GPR84: variants seen among roughly 807,000 people sequenced by gnomAD.
The protein encoded by GPR84 is G protein-coupled receptor 84.
A neutral mutation model predicts 14.9 loss-of-function variants in GPR84; 8 were observed. That is an observed-to-expected ratio of 0.54 (90% CI 0.31 to 0.97). The LOEUF (loss-of-function observed/expected upper bound fraction) is 0.97, where lower values mean the gene tolerates loss of function less well. Among genes scored for constraint, GPR84 ranks in the 50% least tolerant of loss-of-function variants. GPR84 has a pLI of 0.04. For missense variants in GPR84, 424 were observed against 498.7 expected (o/e 0.85, Z 1.43); for synonymous variants, 164 against 198.1 (o/e 0.83, Z 1.45).
rs1469740164 is a variant in GPR84 at position 54,363,093 on chromosome 12, C to T, written c.759G>A (p.Gly253=). 1.2e-6 allele frequency: 2 copies of T among 1,614,180 alleles called. No homozygotes were observed. Among genetic ancestry groups the T allele is most frequent in the East Asian group, 2.2e-5 (1 of 44,888 alleles). ...CAGCACTGACTGGCTCAGATGAAAT[C>T]CCCTCACTGGGTCCTCCTGATGCTA... is the stretch of plus-strand genomic sequence containing the variant. The part of the protein sequence containing the change: ...SRLASGGPSE[G]ISSEPVSAAT... The change falls in exon 2 of 2, where the codon GGG becomes GGA. Residue 253 remains glycine (G), a synonymous_variant. Transcript: ENST00000267015.
chr12:54,360,367 C>T (rs927982942), downstream of GPR84, among the ~76,000 whole-genome samples: 11 of 152,074 alleles, frequency 7.2e-5, no homozygotes, highest in African/African-American at 2.4e-4. Flanking sequence ...GAGTGTACCC[C>T]GCACCCCGCT....
intron 1 of GPR84, 50 bp from the exon 2 acceptor site, chr12:54,363,909 C>T: frequency 8.1e-7 from 1 of 1,238,846 alleles, no homozygotes; most frequent in East Asian, 2.4e-5. Context: ...ACCTAGCATT[C>T]AACTTAGATC....
downstream of GPR84, among the ~76,000 whole-genome samples, chr12:54,358,281 G>C (rs898055074): frequency 4.6e-5 from 7 of 152,110 alleles, no homozygotes; most frequent in Non-Finnish European, 1.0e-4. Flanking sequence ...ATCTCCTGGG[G>C]GAGGCGCCTG....
chr12:54,358,137 A>T (rs1954228412), downstream of GPR84, among the ~76,000 whole-genome samples: 1 of 151,750 alleles, frequency 6.6e-6, no homozygotes, highest in South Asian at 2.1e-4. Flanking sequence ...TCTAAATCTC[A>T]CTCTCAAAGA....
rs535058238 is a variant in GPR84 at position 54,362,847 on chromosome 12, G to A, written c.1005C>T (p.Phe335=). 1 of 1,614,230 alleles carries A rather than the reference G, an allele frequency of 6.2e-7. No homozygotes were observed. The highest frequency in any genetic ancestry group is 8.5e-7 in the Non-Finnish European group (1 of 1,180,042). Reference sequence around the variant, plus strand: ...TGGCATCCAGAATGTTGAGCAGCAAGAAGGGGATGTAGCTCAGGGCAAAGC... The same window carrying A: ...TGGCATCCAGAATGTTGAGCAGCAAAAAGGGGATGTAGCTCAGGGCAAAGC... The part of the protein sequence containing the change: ...FLCFALSYIP[F]LLLNILDARV... The change falls in exon 2 of 2, where the codon TTC becomes TTT. Residue 335 remains phenylalanine, a synonymous_variant. Transcript: ENST00000267015. The surrounding 1 kb of genome is among the most constrained non-coding windows in gnomAD (Gnocchi z 4.0).
the GPR84 span, chr12:54,351,445 T>C: frequency 9.8e-5 from 15 of 152,368 alleles, no homozygotes; most frequent in African/African-American, 3.4e-4. Context: ...CTCTCTGCCG[T>C]GGGTCTGCAG....
downstream of GPR84, among the ~76,000 whole-genome samples, chr12:54,360,078 G>A (rs1565602337): frequency 6.6e-6 from 1 of 152,066 alleles, no homozygotes; most frequent in Admixed American, 6.5e-5. Flanking sequence ...ACTCTTCAGA[G>A]TTGTCAACTT....
At chr12:54,361,219 C>T (rs147186803), downstream of GPR84, among the ~76,000 whole-genome samples, 341 of 151,934 alleles carry the variant, frequency 2.2e-3, 1 homozygote, top group African/African-American at 7.6e-3. The surrounding 1 kb of genome is among the most constrained non-coding windows in gnomAD (Gnocchi z 4.3). Context: ...TCTCGCTCAG[C>T]CACCCAGGCC....
At chr12:54,355,459 C>T in the GPR84 span, among the ~76,000 whole-genome samples, 11 of 152,076 alleles carry the variant, frequency 7.2e-5, no homozygotes, top group Non-Finnish European at 1.3e-4. Flanking sequence ...CCCATACTAG[C>T]CCCCCATCTC....
At chr12:54,358,919 G>A (rs1183918177), downstream of GPR84, among the ~76,000 whole-genome samples, 2 of 151,796 alleles carry the variant, frequency 1.3e-5, no homozygotes, top group Non-Finnish European at 2.9e-5. Flanking sequence ...TCTCCCTGTC[G>A]GCCCCCATCC....
downstream of GPR84, among the ~76,000 whole-genome samples, chr12:54,358,873 G>GCTCGGAATCCTCT (rs1267778309): frequency 3.3e-5 from 5 of 151,698 alleles, no homozygotes; most frequent in African/African-American, 4.9e-5. Context: ...TCGTTCCTCA[G>GCTCGGAATCCTCT]CTCGGAATCC....
the GPR84 span, among the ~76,000 whole-genome samples, chr12:54,352,615 C>T: frequency 6.6e-6 from 1 of 152,196 alleles, no homozygotes; most frequent in East Asian, 1.9e-4. Flanking sequence ...CAGGATTAAG[C>T]AAGGGAGACC....
At chr12:54,358,149 G>A (rs1233449724), downstream of GPR84, among the ~76,000 whole-genome samples, 1 of 152,118 alleles carries the variant, frequency 6.6e-6, no homozygotes, top group Non-Finnish European at 1.5e-5. Context: ...TCTCAAAGAA[G>A]CATAAATATT....
rs1191301213 is a variant in GPR84, at chr12:54,363,765, C to A, written c.87G>T (p.Val29=). ...TGCCCACGGTGCCTGTCACAGCCAC[C>A]ACCACCCCCCAGCTAACTGCAACAT... The part of the protein sequence containing the change: ...YRYVAVSWGV[V]VAVTGTVGNV... The change falls in exon 2 of 2, where the codon GTG becomes GTT. Residue 29 remains valine (V), a synonymous_variant. Coordinates refer to ENST00000267015, the MANE Select transcript of GPR84 (RefSeq NM_020370.3). 7.4e-6 allele frequency: 12 copies of A among 1,613,884 alleles called. No homozygotes were observed. In the East Asian group the frequency reaches 1.8e-4, roughly 24 times the overall value.
At chr12:54,358,329 T>C (rs991538399), downstream of GPR84, among the ~76,000 whole-genome samples, 38 of 152,084 alleles carry the variant, frequency 2.5e-4, no homozygotes, top group African/African-American at 8.9e-4. Flanking sequence ...TGGGTCTTCA[T>C]AGGGGAGGAG....
chr12:54,355,354 G>GTGTGTGTGTGTA, the GPR84 span, among the ~76,000 whole-genome samples: 3 of 143,078 alleles, frequency 2.1e-5, no homozygotes, highest in African/African-American at 8.0e-5. Context: ...GTGTGTGTGT[G>GTGTGTGTGTGTA]CGCATGGCAC....
In GPR84 at chr12:54,363,331, C is replaced by T. The variant is rs757387125; in HGVS notation, c.521G>A (p.Arg174Gln). 1.7e-5 allele frequency: 27 copies of T among 1,614,128 alleles called. 1 individual carries two copies. The highest frequency in any genetic ancestry group is 2.2e-5 in the East Asian group (1 of 44,888). The change falls in exon 2 of 2, where the codon CGA becomes CAA. Residue 174 changes from arginine (R) to glutamine (Q), a missense_variant. Coordinates refer to ENST00000267015, the MANE Select transcript of GPR84 (RefSeq NM_020370.3). ...GAGGATGGTGGTGTAAGGCCGGCCT[C>T]GGATGCGGTCAAAGCTGCAGGTGCA... ...VVCTCSFDRI[R>Q]GRPYTTILMG...
chr12:54,360,026 G>A (rs141816417), downstream of GPR84, among the ~76,000 whole-genome samples: 74 of 151,758 alleles, frequency 4.9e-4, no homozygotes, highest in Non-Finnish European at 9.1e-4. Flanking sequence ...TGACACCGTT[G>A]TGATTTGCCT....
At chr12:54,357,451 T>C (rs561633861), downstream of GPR84, among the ~76,000 whole-genome samples, 1 of 152,070 alleles carries the variant, frequency 6.6e-6, no homozygotes, top group African/African-American at 2.4e-5. Flanking sequence ...GGTTGGGGGG[T>C]CACAGACACA....
Sources: gnomAD v4.1 joint callset for allele counts (sites outside exome capture counted in the v4.1 genomes callset) on GRCh38, gnomAD v4.1.1 for gene constraint, Gnocchi (gnomAD v3.1) non-coding constraint, MANE v1.5 for transcripts, NCBI Gene and HGNC (gene_info 2026-07-23, HGNC 2026-07-21) for gene names.